Variants in PARD3 observed in about 807,000 individuals in gnomAD.
PARD3 encodes partitioning defective 3 homolog.
A neutral mutation model predicts 155.4 loss-of-function variants in PARD3; 75 were observed. That is an observed-to-expected ratio of 0.48 (90% CI 0.40 to 0.58). The LOEUF (loss-of-function observed/expected upper bound fraction) is 0.58, where lower values mean the gene tolerates loss of function less well. PARD3 is among the 20% of genes least tolerant of loss of function. The probability of loss-of-function intolerance (pLI) is 0.00; values close to 1 mark genes in which losing one functional copy is unlikely to be tolerated. For missense variants in PARD3, 1,642 were observed against 1,721.7 expected, an observed-to-expected ratio of 0.95 and a Z score of 0.82; for synonymous variants, 576 against 610.5, an observed-to-expected ratio of 0.94 and a Z score of 0.83.
intron 7 of PARD3, 152 bp downstream of exon 7, chr10:34,399,178 G>A (rs1282597411): frequency 1.7e-6 from 1 of 599,458 alleles, no homozygotes; most frequent in Non-Finnish European, 3.0e-6. Context: ...CTGTGATTAT[G>A]ACATATATAT....
intron 20 of PARD3, among the ~76,000 whole-genome samples, chr10:34,305,483 G>C (rs1041114309): frequency 6.6e-6 from 1 of 152,218 alleles, no homozygotes; most frequent in African/African-American, 2.4e-5. Flanking sequence ...GACTTCTTTA[G>C]AAACAGAATC....
chr10:34,373,077 G>A (rs1840859106), intron 11 of PARD3, among the ~76,000 whole-genome samples: 1 of 151,920 alleles, frequency 6.6e-6, no homozygotes, highest in African/African-American at 2.4e-5. Context: ...ATTGATAAAA[G>A]TATTTAGATT....
intron 3 of PARD3, among the ~76,000 whole-genome samples, chr10:34,487,354 C>A (rs2079546121): frequency 6.6e-6 from 1 of 151,800 alleles, no homozygotes; most frequent in Non-Finnish European, 1.5e-5. Context: ...AGTTTTTAAT[C>A]CAGCAAAGGA....
intron 14 of PARD3, among the ~76,000 whole-genome samples, chr10:34,352,376 T>C (rs1197663009): frequency 1.3e-5 from 2 of 152,140 alleles, no homozygotes; most frequent in Non-Finnish European, 1.5e-5. Flanking sequence ...CCACTTTCCA[T>C]GGTCTCCCTC....
At chr10:34,767,515 A>C (rs1838249038) in intron 1 of PARD3, among the ~76,000 whole-genome samples, 1 of 152,034 alleles carries the variant, frequency 6.6e-6, no homozygotes, top group Non-Finnish European at 1.5e-5. Flanking sequence ...TCATTAATTG[A>C]GCTAATGAGA....
At chr10:34,700,355 C>T (rs917831127) in intron 1 of PARD3, among the ~76,000 whole-genome samples, 1 of 152,198 alleles carries the variant, frequency 6.6e-6, no homozygotes, top group Admixed American at 6.5e-5. Context: ...AATGCTGAGG[C>T]CCACTCTACT....
At chr10:34,121,769 T>C (rs1297805296) in intron 23 of PARD3, among the ~76,000 whole-genome samples, 1 of 152,178 alleles carries the variant, frequency 6.6e-6, no homozygotes, top group Non-Finnish European at 1.5e-5. Context: ...AAATAATGTG[T>C]GAGGAGATTA....
intron 3 of PARD3, among the ~76,000 whole-genome samples, chr10:34,481,319 AG>A (rs2079070229): frequency 6.6e-6 from 1 of 152,092 alleles, no homozygotes. Flanking sequence ...TCCCCAGGGT[AG>A]AACAGAGTGG....
chr10:34,646,260 A>G (rs931747625), intron 2 of PARD3, among the ~76,000 whole-genome samples: 10 of 152,232 alleles, frequency 6.6e-5, no homozygotes, highest in Non-Finnish European at 1.5e-4. Flanking sequence ...GTCCAGGTAC[A>G]TGAAAAACAA....
intron 5 of PARD3, among the ~76,000 whole-genome samples, chr10:34,420,873 G>A (rs1180902938): frequency 6.6e-6 from 1 of 152,198 alleles, no homozygotes; most frequent in Non-Finnish European, 1.5e-5. Context: ...TCTTCAATCT[G>A]TAATTTTAAA....
chr10:34,182,831 G>A (rs1950325061), intron 22 of PARD3, among the ~76,000 whole-genome samples: 1 of 151,698 alleles, frequency 6.6e-6, no homozygotes, highest in Non-Finnish European at 1.5e-5. Flanking sequence ...GGTGTAAATG[G>A]GTTCTCTTAC....
chr10:34,178,322 A>G (rs1461539274), intron 22 of PARD3, among the ~76,000 whole-genome samples: 3 of 152,232 alleles, frequency 2.0e-5, no homozygotes, highest in African/African-American at 4.8e-5. Context: ...TTTCAGCAAC[A>G]AAAGAAAAGA....
chr10:34,342,561 A>G (rs4402244), intron 15 of PARD3, among the ~76,000 whole-genome samples: 84,193 of 151,970 alleles, frequency 0.55, 23,878 homozygotes, highest in African/African-American at 0.67. Flanking sequence ...AGTATTACCA[A>G]AAACAAAGCC....
Position 34,382,763 on chromosome 10 carries a change from C to A in PARD3, c.1176G>T (p.Arg392Ser). The A allele has an allele frequency of 6.2e-7, 1 of 1,614,162 alleles. No individual in the cohort carries two copies. Among genetic ancestry groups the A allele is most frequent in the Non-Finnish European group, 8.5e-7 (1 of 1,180,032 alleles). ...TGTGAAGCCCTGCACTGTTCACACT[C>A]CTGTTGTCAATATACTGGCTGTCAG... ...FSPDSQYIDN[R>S]SVNSAGLHTV... Residue 392 changes from arginine (R) to serine (S), a missense_variant, in exon 9 of 25, where the codon AGG becomes AGT. Physicochemically the swap from Arg to Ser is moderately radical, Grantham distance 110. Around this residue, in one of 3 missense-constraint regions of PARD3, gnomAD observed 1,529 missense variants for 1,587.3 expected, o/e 0.96. Transcript: ENST00000374788.
chr10:34,576,374 A>G (rs950736235), intron 2 of PARD3, among the ~76,000 whole-genome samples: 1 of 147,734 alleles, frequency 6.8e-6, no homozygotes, highest in Non-Finnish European at 1.5e-5. Flanking sequence ...TCACCTTTTA[A>G]AAGTTGTTAA....
chr10:34,216,099 T>C (rs1951989801), intron 22 of PARD3, among the ~76,000 whole-genome samples: 1 of 152,218 alleles, frequency 6.6e-6, no homozygotes, highest in South Asian at 2.1e-4. Context: ...TCGACACTTA[T>C]TTCTTACATC....
chr10:34,738,517 C>CTT (rs10636688), intron 1 of PARD3, among the ~76,000 whole-genome samples: 93,111 of 151,868 alleles, frequency 0.61, 28,882 homozygotes, highest in East Asian at 0.69. Flanking sequence ...CAGCACATCA[C>CTT]TACCTCATTA....
At chr10:34,497,869 A>AAC (rs1275086168) in intron 3 of PARD3, among the ~76,000 whole-genome samples, 1 of 152,176 alleles carries the variant, frequency 6.6e-6, no homozygotes, top group Admixed American at 6.6e-5. Context: ...AAAAAGATGA[A>AAC]ACACAATTAA....
chr10:34,383,329 A>G (rs1842038115), intron 8 of PARD3, among the ~76,000 whole-genome samples: 1 of 152,108 alleles, frequency 6.6e-6, no homozygotes, highest in Non-Finnish European at 1.5e-5. Flanking sequence ...AGAAAGACAG[A>G]GCTTTATAAT....
Sources: gnomAD v4.1 joint callset for allele counts (sites outside exome capture counted in the v4.1 genomes callset) on GRCh38, gnomAD v4.1.1 for gene constraint, gnomAD v4.1.1 regional missense constraint, MANE v1.5 for transcripts, NCBI Gene and HGNC (gene_info 2026-07-23, HGNC 2026-07-21) for gene names.